The following RAPGEF5 variants were observed in gnomAD, a reference collection of about 807,000 sequenced individuals.
RAPGEF5 encodes the protein M-Ras-regulated GEF.
A neutral mutation model predicts 125.2 loss-of-function variants in RAPGEF5; 65 were observed. The observed-to-expected ratio is 0.52, with a 90% CI of 0.43 to 0.64. RAPGEF5 has a LOEUF of 0.64. Ranked by LOEUF, RAPGEF5 falls within the 30% of genes least tolerant of loss-of-function variation. The probability of loss-of-function intolerance (pLI) is 0.00; values close to 1 mark genes in which losing one functional copy is unlikely to be tolerated. For missense variants in RAPGEF5, 958 were observed against 1,048.1 expected (o/e 0.91, Z 1.19); for synonymous variants, 391 against 385.9 (o/e 1.01, Z -0.16).
intron 12 of RAPGEF5, among the ~76,000 whole-genome samples, chr7:22,164,419 A>C (rs529569729): frequency 1.2e-4 from 18 of 145,226 alleles, no homozygotes; most frequent in African/African-American, 4.3e-4. Flanking sequence ...TAAAGAAAAG[A>C]AATCAAGAAA....
intron 1 of RAPGEF5, among the ~76,000 whole-genome samples, chr7:22,342,812 T>C (rs960081692): frequency 3.9e-5 from 6 of 152,234 alleles, no homozygotes; most frequent in African/African-American, 1.4e-4. Flanking sequence ...CTGGACTTTA[T>C]TGTCCATATC....
At chr7:22,133,110 C>T (rs1174900848) in intron 23 of RAPGEF5, among the ~76,000 whole-genome samples, 2 of 152,134 alleles carry the variant, frequency 1.3e-5, no homozygotes, top group East Asian at 1.9e-4. Context: ...TCCCTCCTGC[C>T]GGCAATCTCT....
chr7:22,211,225 T>C (rs987797556), intron 9 of RAPGEF5, among the ~76,000 whole-genome samples: 1 of 152,250 alleles, frequency 6.6e-6, no homozygotes, highest in Non-Finnish European at 1.5e-5. Context: ...TACATGGACA[T>C]CTTTTATAAA....
At chr7:22,233,365 A>G (rs773450125) in intron 7 of RAPGEF5, among the ~76,000 whole-genome samples, 7 of 152,222 alleles carry the variant, frequency 4.6e-5, no homozygotes, top group Non-Finnish European at 8.8e-5. Flanking sequence ...TTAAAGTGCT[A>G]ATTTCAATGA....
intron 23 of RAPGEF5, among the ~76,000 whole-genome samples, chr7:22,133,039 A>G (rs1021572726): frequency 6.6e-6 from 1 of 152,220 alleles, no homozygotes; most frequent in Non-Finnish European, 1.5e-5. Context: ...TGCTCAATTT[A>G]TAACACATGA....
intron 1 of RAPGEF5, among the ~76,000 whole-genome samples, chr7:22,322,284 C>T (rs994830539): frequency 1.8e-4 from 27 of 151,742 alleles, no homozygotes; most frequent in African/African-American, 5.8e-4. Context: ...TACAGGCACA[C>T]ACCACCACCA....
At chr7:22,246,620 A>C (rs1305121167) in intron 7 of RAPGEF5, among the ~76,000 whole-genome samples, 1 of 152,230 alleles carries the variant, frequency 6.6e-6, no homozygotes, top group African/African-American at 2.4e-5. Flanking sequence ...AACTATAAGA[A>C]TACTAGAAGA....
chr7:22,212,311 TCCTC>T (rs1315597322), intron 9 of RAPGEF5, among the ~76,000 whole-genome samples: 4 of 152,062 alleles, frequency 2.6e-5, no homozygotes, highest in African/African-American at 9.7e-5. Context: ...CACCCATCCC[TCCTC>T]ACTTTTCATA....
intron 19 of RAPGEF5, among the ~76,000 whole-genome samples, chr7:22,145,967 CGT>C (rs71864981): frequency 0.082 from 11,805 of 143,148 alleles, 444 homozygotes; most frequent in Middle Eastern, 0.14. Context: ...TGTTTGTGTG[CGT>C]GTGTGTGTGT....
At chr7:22,271,361 T>C (rs1782422077) in intron 6 of RAPGEF5, among the ~76,000 whole-genome samples, 2 of 152,240 alleles carry the variant, frequency 1.3e-5, no homozygotes, top group Admixed American at 6.5e-5. Flanking sequence ...CGACCTTCAT[T>C]TCAACTGAAA....
intron 11 of RAPGEF5, among the ~76,000 whole-genome samples, chr7:22,167,418 A>G (rs918428013): frequency 6.6e-6 from 1 of 152,210 alleles, no homozygotes; most frequent in Non-Finnish European, 1.5e-5. Flanking sequence ...GTTTTCCTGA[A>G]ATTTCATTTA....
chr7:22,320,259 G>C (rs1016517026), intron 1 of RAPGEF5, among the ~76,000 whole-genome samples: 1 of 152,176 alleles, frequency 6.6e-6, no homozygotes, highest in Non-Finnish European at 1.5e-5. Context: ...TGGGGAGCCA[G>C]AGAGCTTTGT....
intron 8 of RAPGEF5, among the ~76,000 whole-genome samples, chr7:22,220,809 G>T (rs1785767812): frequency 6.6e-6 from 1 of 152,100 alleles, no homozygotes; most frequent in South Asian, 2.1e-4. Context: ...ACCAAGACAT[G>T]ATCTAATAAA....
At chr7:22,341,715 A>C (rs1214617092) in intron 1 of RAPGEF5, among the ~76,000 whole-genome samples, 1 of 152,222 alleles carries the variant, frequency 6.6e-6, no homozygotes, top group Admixed American at 6.5e-5. Flanking sequence ...GTCAAATCTT[A>C]AAGGTCCAAA....
chr7:22,188,833 G>C (rs1784903003), intron 11 of RAPGEF5, among the ~76,000 whole-genome samples: 3 of 150,802 alleles, frequency 2.0e-5, no homozygotes, highest in Admixed American at 1.3e-4. Flanking sequence ...AGTTGAGTGA[G>C]ACACTCCTAT....
intron 7 of RAPGEF5, among the ~76,000 whole-genome samples, chr7:22,257,732 T>C (rs1782035300): frequency 6.6e-6 from 1 of 152,206 alleles, no homozygotes; most frequent in Admixed American, 6.5e-5. Flanking sequence ...TATATCTTGT[T>C]GGTTATTTTT....
intron 6 of RAPGEF5, among the ~76,000 whole-genome samples, chr7:22,267,886 G>T (rs761392937): frequency 1.1e-4 from 16 of 151,498 alleles, no homozygotes; most frequent in Non-Finnish European, 5.9e-5. Flanking sequence ...TTCGGCGGGT[G>T]GGGGTATCAG....
intron 10 of RAPGEF5, 27 bp downstream of exon 10, chr7:22,193,888 C>G (rs370321205): frequency 6.2e-7 from 1 of 1,612,540 alleles, no homozygotes; most frequent in Admixed American, 1.7e-5. Context: ...GGAGCGCGTG[C>G]CTCTGTGGCT....
intron 24 of RAPGEF5, among the ~76,000 whole-genome samples, chr7:22,127,029 GC>G (rs1171666690): frequency 1.3e-4 from 18 of 137,110 alleles, no homozygotes; most frequent in Non-Finnish European, 2.8e-4. Flanking sequence ...TGATTCCCAG[GC>G]AAAAGTCTTC....
Sources: allele counts gnomAD v4.1 joint callset (sites outside exome capture counted in the v4.1 genomes callset), GRCh38; gene constraint gnomAD v4.1.1; transcripts MANE v1.5; gene names NCBI Gene and HGNC (gene_info 2026-07-23, HGNC 2026-07-21).